SWT1: variants seen among roughly 807,000 people sequenced by gnomAD.
SWT1 encodes the protein SWT1 RNA endoribonuclease homolog.
A neutral mutation model predicts 107.3 loss-of-function variants in SWT1; 33 were observed. The observed-to-expected ratio is 0.31, with a 90% CI of 0.23 to 0.41. The LOEUF (loss-of-function observed/expected upper bound fraction) is 0.41. Among genes scored for constraint, SWT1 ranks in the 10% least tolerant of loss-of-function variants. The pLI, the probability that SWT1 is intolerant of heterozygous loss-of-function variation, is 1.00. For synonymous variants in SWT1, 345 were observed against 348.3 expected (o/e 0.99, Z 0.11); for missense variants, 898 against 1,028.9 (o/e 0.87, Z 1.74).
intron 16 of SWT1, among the ~76,000 whole-genome samples, chr1:185,240,640 A>C (rs1033253354): frequency 6.6e-6 from 1 of 152,138 alleles, no homozygotes; most frequent in African/African-American, 2.4e-5. Context: ...TGGAAAATAA[A>C]ACCTCAGTTT....
At chr1:185,168,456 T>G (rs1654776955) in intron 4 of SWT1, 58 bp downstream of exon 4, 1 of 1,154,744 alleles carries the variant, frequency 8.7e-7, no homozygotes, top group Non-Finnish European at 1.2e-6. Context: ...ACTAAATATT[T>G]GGATTTAAAA....
At chr1:185,280,958 T>C in intron 18 of SWT1, 1 of 479,408 alleles carries the variant, frequency 2.1e-6, no homozygotes, top group Non-Finnish European at 4.2e-6. Flanking sequence ...TGGTGTGCTA[T>C]TGGGGTCATG....
At chr1:185,289,865 G>A (rs1406547109) in intron 18 of SWT1, among the ~76,000 whole-genome samples, 1 of 152,130 alleles carries the variant, frequency 6.6e-6, no homozygotes, top group East Asian at 1.9e-4. Context: ...GGAGATGGTG[G>A]TGAAAGGACA....
At chr1:185,227,074 A>G in intron 15 of SWT1, 1 of 1,031,890 alleles carries the variant, frequency 9.7e-7, no homozygotes, top group African/African-American at 1.6e-5. Flanking sequence ...ATTAAATAGC[A>G]CATGTAATCT....
chr1:185,281,224 T>G (rs993924473), intron 18 of SWT1: 5 of 222,722 alleles, frequency 2.2e-5, no homozygotes, highest in African/African-American at 1.2e-4. Context: ...AACTCTTGTT[T>G]TGGTCATTAT....
intron 16 of SWT1, among the ~76,000 whole-genome samples, chr1:185,240,931 G>A (rs1001897648): frequency 4.0e-4 from 61 of 152,022 alleles, no homozygotes; most frequent in Admixed American, 4.0e-3. Flanking sequence ...TCTGGGAAAA[G>A]AAACCTTAAA....
intron 16 of SWT1, among the ~76,000 whole-genome samples, chr1:185,232,470 G>T (rs1329087771): frequency 6.6e-6 from 1 of 152,166 alleles, no homozygotes; most frequent in African/African-American, 2.4e-5. Context: ...GGGGACCAAA[G>T]AGAAATAAGA....
intron 15 of SWT1, among the ~76,000 whole-genome samples, chr1:185,226,577 C>T (rs1660075664): frequency 6.6e-6 from 1 of 152,128 alleles, no homozygotes; most frequent in Admixed American, 6.6e-5. Flanking sequence ...CTTTAAAAAT[C>T]AGTTGCAGGT....
At chr1:185,175,816 C>T (rs575918924) in intron 5 of SWT1, among the ~76,000 whole-genome samples, 1 of 152,122 alleles carries the variant, frequency 6.6e-6, no homozygotes, top group East Asian at 1.9e-4. Flanking sequence ...GTACCAGGCA[C>T]CACAATAAAA....
intron 10 of SWT1, among the ~76,000 whole-genome samples, chr1:185,195,947 G>C (rs1657348797): frequency 6.6e-6 from 1 of 152,138 alleles, no homozygotes; most frequent in South Asian, 2.1e-4. Flanking sequence ...TAGGTTGCTT[G>C]TTAACCCTGA....
At chr1:185,227,039 CT>C (rs1660123481) in intron 15 of SWT1, 1 of 940,452 alleles carries the variant, frequency 1.1e-6, no homozygotes, top group African/African-American at 1.6e-5. Flanking sequence ...AGAACTGTTT[CT>C]TGTAAGCATC....
intron 11 of SWT1, among the ~76,000 whole-genome samples, chr1:185,204,462 TTTAA>T (rs1571496504): frequency 6.6e-6 from 1 of 152,148 alleles, no homozygotes; most frequent in South Asian, 2.1e-4. Flanking sequence ...AAAAATATTA[TTTAA>T]TTGCCTGTTA....
intron 16 of SWT1, among the ~76,000 whole-genome samples, chr1:185,235,607 T>C (rs1191390541): frequency 6.6e-6 from 1 of 152,160 alleles, no homozygotes; most frequent in African/African-American, 2.4e-5. Context: ...GCCAGTATCA[T>C]ACTGAATGGG....
chr1:185,261,556 A>G (rs1663015593), intron 16 of SWT1, among the ~76,000 whole-genome samples: 1 of 152,046 alleles, frequency 6.6e-6, no homozygotes, highest in African/African-American at 2.4e-5. Flanking sequence ...TATTTTTAAT[A>G]TTGTCAGGAA....
chr1:185,203,245 TA>T (rs1204441572), intron 11 of SWT1, among the ~76,000 whole-genome samples: 1 of 152,204 alleles, frequency 6.6e-6, no homozygotes, highest in African/African-American at 2.4e-5. Flanking sequence ...TATAACCTAT[TA>T]ATATGATAAA....
chr1:185,175,835 A>G (rs1280224813), intron 5 of SWT1, among the ~76,000 whole-genome samples: 1 of 152,214 alleles, frequency 6.6e-6, no homozygotes, highest in African/African-American at 2.4e-5. Flanking sequence ...AATAGCTTGT[A>G]AGAGATAACA....
chr1:185,249,688 C>T (rs1029862705), intron 16 of SWT1, among the ~76,000 whole-genome samples: 3 of 152,086 alleles, frequency 2.0e-5, no homozygotes, highest in African/African-American at 7.2e-5. Context: ...ATTCGTGTTC[C>T]AAAAGGGGAA....
chr1:185,255,161 C>G (rs1662384406), intron 16 of SWT1, among the ~76,000 whole-genome samples: 1 of 152,254 alleles, frequency 6.6e-6, no homozygotes, highest in East Asian at 1.9e-4. Context: ...GTTATAATTT[C>G]TGTTCTTTTA....
At chr1:185,169,257 T>G (rs1654841408) in intron 4 of SWT1, among the ~76,000 whole-genome samples, 1 of 152,094 alleles carries the variant, frequency 6.6e-6, no homozygotes, top group Non-Finnish European at 1.5e-5. Context: ...TGAACCATTT[T>G]AATGCCTTTT....
Sources: gnomAD v4.1 joint callset for allele counts (sites outside exome capture counted in the v4.1 genomes callset) on GRCh38, gnomAD v4.1.1 for gene constraint, MANE v1.5 for transcripts, NCBI Gene and HGNC (gene_info 2026-07-23, HGNC 2026-07-21) for gene names.